Variants in ACOX2 observed in about 807,000 individuals in gnomAD.
The protein encoded by ACOX2 is peroxisomal acyl-coenzyme A oxidase 2.
Under a neutral mutation model 77.5 loss-of-function variants are expected in ACOX2, and 59 were observed. That is an observed-to-expected ratio of 0.76 (90% CI 0.62 to 0.95). ACOX2 has a LOEUF of 0.95. Among genes scored for constraint, ACOX2 ranks in the 40% least tolerant of loss-of-function variants. ACOX2 has a pLI of 0.00. For missense variants in ACOX2, 837 were observed against 880.4 expected (o/e 0.95, Z 0.62); for synonymous variants, 317 against 340.1 (o/e 0.93, Z 0.75).
At position 58,524,166 on chromosome 3, in the gene ACOX2, A is replaced by T. The variant is rs1177840761; in HGVS notation, c.1526+260T>A. Among the ~76,000 whole-genome samples the T allele has an allele frequency of 6.6e-6, 1 of 152,208 alleles. No individual in the cohort carries two copies. Among genetic ancestry groups the T allele is most frequent in the Non-Finnish European group, 1.5e-5 (1 of 68,032 alleles). On this transcript the variant is annotated intron_variant, in intron 11 of 14. Transcript: ENST00000302819. The surrounding 1 kb of genome is among the most constrained non-coding windows in gnomAD (Gnocchi z 5.5). ...ATCACCATAGGACCCTAGAGATTTT[A>T]AAAATATCTCACTGGCCAGAGGTGT...
rs1056142172 is a variant in ACOX2, at chr3:58,522,219, G to T, written c.1632+277C>A. On this transcript the variant is annotated intron_variant, in intron 12 of 14. Transcript: ENST00000302819. This position sits in a 1 kb window ranked among gnomAD's most constrained non-coding sequence, Gnocchi z 4.3. ...TGCCTGTGGGGCTAAGGGGAGACTTGACCTGCTTTTCTATCTGGGAGGAAA... is the reference window on the plus strand; with the variant it reads ...TGCCTGTGGGGCTAAGGGGAGACTTTACCTGCTTTTCTATCTGGGAGGAAA... 6.6e-6 allele frequency among the ~76,000 whole-genome samples: 1 copy of T among 152,214 alleles called. No individual in the cohort carries two copies. Among genetic ancestry groups the T allele is most frequent in the East Asian group, 1.9e-4 (1 of 5,198 alleles).
chr3:58,526,573 G>C lies in ACOX2; in HGVS notation c.1239C>G (p.Gly413=), dbSNP rs371116080. The C allele has an allele frequency of 7.4e-6, 12 of 1,614,090 alleles. No homozygotes were observed. In the African/African-American group the frequency reaches 8.0e-5, roughly 11 times the overall value. ...CACTCAGCTTTGAGTAGCCATGTCC[G>C]CCACAGGCCCTGCGGCACATCTCAG... The part of the protein sequence containing the change: ...QGAEMCRRAC[G]GHGYSKLSGL... Residue 413 remains glycine, a synonymous_variant, in exon 10 of 15, where the codon GGC becomes GGG. Coordinates refer to ENST00000302819, the MANE Select transcript of ACOX2 (RefSeq NM_003500.4). This position sits in a 1 kb window ranked among gnomAD's most constrained non-coding sequence, Gnocchi z 4.3.
At chr3:58,518,170 A>ATG (rs769233634) in intron 12 of ACOX2, among the ~76,000 whole-genome samples, 24 of 152,088 alleles carry the variant, frequency 1.6e-4, no homozygotes, top group Middle Eastern at 6.8e-3. Flanking sequence ...GTGCGTGCAC[A>ATG]TGTGTGCACC....
chr3:58,534,501 G>A lies in ACOX2; in HGVS notation c.182C>T (p.Pro61Leu), dbSNP rs149303910. The A allele has an allele frequency of 1.6e-4, 259 of 1,614,138 alleles. No individual in the cohort carries two copies. The African/African-American group carries it at 2.9e-3, about 18-fold the overall frequency. Residue 61 changes from proline to leucine, a missense_variant, in exon 3 of 15, where the codon CCG (proline) becomes CTG (leucine). Transcript: ENST00000302819. This position sits in a 1 kb window ranked among gnomAD's most constrained non-coding sequence, Gnocchi z 4.8. ...RKVESIIHSY[P>L]EFSCKDNYFM... is the part of the protein sequence containing the mutation. ...ATAATTGTCCTTACAGCTAAACTCCGGGTAACTGTGGATGATGCTCTCTGC... is the reference window on the plus strand; with the variant it reads ...ATAATTGTCCTTACAGCTAAACTCCAGGTAACTGTGGATGATGCTCTCTGC...
rs182977655 is a variant in ACOX2, at chr3:58,525,851, C to T, written c.1346+615G>A. On this transcript the variant is annotated intron_variant, in intron 10 of 14. Transcript: ENST00000302819. The surrounding 1 kb of genome is among the most constrained non-coding windows in gnomAD (Gnocchi z 5.0). The stretch of plus-strand genomic sequence containing the variant: ...CAGCCTGGCCAACATGGTGAAACCC[C>T]ATCTCTACTAAAAATACAAAAATTA... Among the ~76,000 whole-genome samples, 52 of 152,082 alleles carry T rather than the reference C, an allele frequency of 3.4e-4. No homozygotes were observed. The highest frequency in any genetic ancestry group is 1.2e-3 in the African/African-American group (50 of 41,482).
At chr3:58,536,978 A>C (rs575588244) in intron 1 of ACOX2, 141 bp downstream of exon 1, 1 of 152,370 alleles carries the variant, frequency 6.6e-6, no homozygotes, top group East Asian at 1.9e-4. Flanking sequence ...CCTAACACTT[A>C]GTGCAGGGCC....
Position 58,535,250 on chromosome 3 carries a change from AG to A in ACOX2, c.-91-54del. 1 of 1,014,826 alleles carries A rather than the reference AG, an allele frequency of 9.9e-7. No individual in the cohort carries two copies. Among genetic ancestry groups the A allele is most frequent in the South Asian group, 1.5e-5 (1 of 66,054 alleles). 62.9% of individuals were successfully genotyped at this position (1,014,826 alleles called of 1,614,324 possible). The stretch of plus-strand genomic sequence containing the variant: ...TGGGTGTCAGCCAGGGCTGGTTGGT[AG>A]AAGAAAGACATCCCTAAGTACCTGA... On this transcript the variant is annotated intron_variant, in intron 1 of 14. Transcript: ENST00000302819. The surrounding 1 kb of genome is among the most constrained non-coding windows in gnomAD (Gnocchi z 4.8).
In ACOX2 at chr3:58,533,934, G is replaced by A. The variant is rs2063459097; in HGVS notation, c.475+60C>T. 6.3e-7 allele frequency: 1 copy of A among 1,587,548 alleles called. No individual in the cohort carries two copies. The highest frequency in any genetic ancestry group is 1.7e-5 in the Admixed American group (1 of 58,288). ...AACCTATGACTACCTAGATGTAAATGGGCCCTCTGGAGTTTTGCAGTGCAC... is the reference window on the plus strand; with the variant it reads ...AACCTATGACTACCTAGATGTAAATAGGCCCTCTGGAGTTTTGCAGTGCAC... On this transcript the variant is annotated intron_variant, in intron 4 of 14. Coordinates refer to ENST00000302819, the MANE Select transcript of ACOX2 (RefSeq NM_003500.4). The surrounding 1 kb of genome is among the most constrained non-coding windows in gnomAD (Gnocchi z 5.6).
rs976503991 is a variant in ACOX2 at position 58,531,836 on chromosome 3, C to T, written c.584-24G>A. 3.7e-6 allele frequency: 6 copies of T among 1,606,656 alleles called. No individual in the cohort carries two copies. The African/African-American group carries it at 5.3e-5, about 14-fold the overall frequency. On this transcript the variant is annotated intron_variant, in intron 5 of 14. Coordinates refer to ENST00000302819, the MANE Select transcript of ACOX2 (RefSeq NM_003500.4). The surrounding 1 kb of genome is among the most constrained non-coding windows in gnomAD (Gnocchi z 5.8). ...CACTGAGGGCAGAGAGAGTAGCGGC[C>T]CGTCACAGGAAGACCTGTGCATTGC...
At chr3:58,517,140 G>A (rs2063326440) in intron 13 of ACOX2, 66 bp downstream of exon 13, 1 of 1,560,944 alleles carries the variant, frequency 6.4e-7, no homozygotes, top group African/African-American at 1.4e-5. Flanking sequence ...AGTTGGAAGT[G>A]ACCTGTGAAC....
At chr3:58,516,386 T>G (rs147902859) in intron 13 of ACOX2, among the ~76,000 whole-genome samples, 3 of 152,332 alleles carry the variant, frequency 2.0e-5, no homozygotes, top group Non-Finnish European at 4.4e-5. Flanking sequence ...CAGCCCCTCC[T>G]CTGGCTGATT....
At position 58,531,259 on chromosome 3, in the gene ACOX2, A is replaced by AGC. The variant is rs1387079944; in HGVS notation, c.809_810dup (p.Phe271AlafsTer107). 1 of 1,612,476 alleles carries AGC rather than the reference A, an allele frequency of 6.2e-7. No individual in the cohort carries two copies. Among genetic ancestry groups the AGC allele is most frequent in the African/African-American group, 1.3e-5 (1 of 74,886 alleles). On this transcript the variant is annotated frameshift_variant, in exon 7 of 15. Coordinates refer to ENST00000302819, the MANE Select transcript of ACOX2 (RefSeq NM_003500.4). LOFTEE classifies it high-confidence loss of function. The surrounding 1 kb of genome is among the most constrained non-coding windows in gnomAD (Gnocchi z 5.8). ...CTCCCCAGATCTGTAACCTGTGCAAAGCGACTCAGCATGTTCTCCCTGGGG... is the reference window on the plus strand; with the variant it reads ...CTCCCCAGATCTGTAACCTGTGCAAAGCGCGACTCAGCATGTTCTCCCTGGGG...
In ACOX2 at chr3:58,526,587, G is replaced by A. The variant is rs530318063; in HGVS notation, c.1225C>T (p.Arg409Cys). 3.6e-5 allele frequency: 58 copies of A among 1,614,182 alleles called. 1 individual carries two copies. Among genetic ancestry groups the A allele is most frequent in the Middle Eastern group, 3.3e-4 (2 of 6,060 alleles). Residue 409 changes from arginine (R) to cysteine (C), a missense_variant, in exon 10 of 15, where the codon CGC becomes TGC. Transcript: ENST00000302819. This position sits in a 1 kb window ranked among gnomAD's most constrained non-coding sequence, Gnocchi z 4.3. ...TAGCCATGTCCGCCACAGGCCCTGC[G>A]GCACATCTCAGCTCCCTGGGTGCAG... Reference protein sequence around the residue: ...EFCTQGAEMCRRACGGHGYSK... With the variant: ...EFCTQGAEMCCRACGGHGYSK...
In ACOX2 at chr3:58,531,895, G is replaced by A; in HGVS notation, c.584-83C>T. ...ACCAACCCAGCCTCCTGGGGCTGGGGTTTTGGATGGGTACCTCTGGGGCCC... is the reference window on the plus strand; with the variant it reads ...ACCAACCCAGCCTCCTGGGGCTGGGATTTTGGATGGGTACCTCTGGGGCCC... On this transcript the variant is annotated intron_variant, in intron 5 of 14. Transcript: ENST00000302819. This position sits in a 1 kb window ranked among gnomAD's most constrained non-coding sequence, Gnocchi z 5.8. 6.7e-7 allele frequency: 1 copy of A among 1,484,850 alleles called. No homozygotes were observed. The highest frequency in any genetic ancestry group is 8.9e-7 in the Non-Finnish European group (1 of 1,121,114). 92.0% of individuals were successfully genotyped at this position (1,484,850 alleles called of 1,614,324 possible). A position where few individuals can be genotyped will look rare whatever the true frequency, so the allele number is the denominator to read the frequency against.
chr3:58,515,313 G>A lies in ACOX2; in HGVS notation c.1850+1893C>T, dbSNP rs557555546. Among the ~76,000 whole-genome samples the A allele has an allele frequency of 1.6e-4, 23 of 145,750 alleles. No homozygotes were observed. The highest frequency in any genetic ancestry group is 4.6e-4 in the African/African-American group (18 of 39,248). On this transcript the variant is annotated intron_variant, in intron 13 of 14. Coordinates refer to ENST00000302819, the MANE Select transcript of ACOX2 (RefSeq NM_003500.4). The surrounding 1 kb of genome is among the most constrained non-coding windows in gnomAD (Gnocchi z 4.0). ...TGGGATTGCAGGTATTAGCCACCGC[G>A]CCTGGCCTGAACAAACATTTTTTTG...
At position 58,511,081 on chromosome 3, in the gene ACOX2, T is replaced by C. The variant is rs192324278; in HGVS notation, c.1851-2056A>G. ...TAATGAAGTGGAAGCAGTAAGAGAA[T>C]CTGTGTAAGTTCCCACCCTTGCATT... On this transcript the variant is annotated intron_variant, in intron 13 of 14. Coordinates refer to ENST00000302819, the MANE Select transcript of ACOX2 (RefSeq NM_003500.4). 552 of 456,524 alleles carry C rather than the reference T, an allele frequency of 1.2e-3. 3 individuals carry two copies. The highest frequency in any genetic ancestry group is 0.01 in the African/African-American group (518 of 50,174). The allele number at this position is 456,524 out of a possible 1,614,324, so 28.3% of individuals were successfully genotyped here.
chr3:58,533,532 C>T lies in ACOX2; in HGVS notation c.496G>A (p.Glu166Lys), dbSNP rs1411753483. 6.2e-7 allele frequency: 1 copy of T among 1,613,972 alleles called. No homozygotes were observed. Among genetic ancestry groups the T allele is most frequent in the East Asian group, 2.2e-5 (1 of 44,848 alleles). The change falls in exon 5 of 15, where the codon GAG becomes AAG. Residue 166 changes from glutamate to lysine, a missense_variant. Coordinates refer to ENST00000302819, the MANE Select transcript of ACOX2 (RefSeq NM_003500.4). This position sits in a 1 kb window ranked among gnomAD's most constrained non-coding sequence, Gnocchi z 5.6. ...LGHGTYLQGL[E>K]TEATYDAATQ... ...GCTGCGTCATAGGTGGCTTCAGTCT[C>T]CAGGCCCTGAAGATATGTCCCTTAG...
Position 58,512,979 on chromosome 3 carries a change from C to T in ACOX2, c.1851-3954G>A, listed in dbSNP as rs985436882. On this transcript the variant is annotated intron_variant, in intron 13 of 14. Coordinates refer to ENST00000302819, the MANE Select transcript of ACOX2 (RefSeq NM_003500.4). The surrounding 1 kb of genome is among the most constrained non-coding windows in gnomAD (Gnocchi z 4.8). Reference sequence around the variant, plus strand: ...CGGATCCTCCAGTCATTAAGTGATGCATGACTGTACTTATGTTCTGCCTGT... The same window carrying T: ...CGGATCCTCCAGTCATTAAGTGATGTATGACTGTACTTATGTTCTGCCTGT... Among the ~76,000 whole-genome samples, 1 of 152,214 alleles carries T rather than the reference C, an allele frequency of 6.6e-6. No homozygotes were observed. The highest frequency in any genetic ancestry group is 1.5e-5 in the Non-Finnish European group (1 of 68,050).
At chr3:58,510,934 CATT>C (rs1225458245) in intron 13 of ACOX2, 3 of 455,870 alleles carry the variant, frequency 6.6e-6, no homozygotes, top group Non-Finnish European at 1.3e-5. Flanking sequence ...TATATTTACT[CATT>C]GTTCATTTAC....
Sources: allele counts gnomAD v4.1 joint callset (sites outside exome capture counted in the v4.1 genomes callset), GRCh38; gene constraint gnomAD v4.1.1; non-coding constraint Gnocchi (gnomAD v3.1); transcripts MANE v1.5; gene names NCBI Gene and HGNC (gene_info 2026-07-23, HGNC 2026-07-21).